Variants in HAUS3 observed in about 807,000 individuals in gnomAD.
The protein encoded by HAUS3 is HAUS augmin like complex subunit 3.
In HAUS3, 36 loss-of-function variants were observed where a neutral mutation model predicts 55.2. The observed-to-expected ratio is 0.65, with a 90% CI of 0.50 to 0.86. The LOEUF is 0.86. Ranked by LOEUF, HAUS3 falls within the 40% of genes least tolerant of loss-of-function variation. HAUS3 has a pLI of 0.00. For missense variants in HAUS3, 752 were observed against 671.5 expected (o/e 1.12, Z -1.33); for synonymous variants, 234 against 238.6 (o/e 0.98, Z 0.18).
intron 5 of HAUS3, among the ~76,000 whole-genome samples, chr4:2,232,985 C>G (rs143001020): frequency 0.01 from 1,573 of 152,254 alleles, 32 homozygotes; most frequent in African/African-American, 0.034. Flanking sequence ...TGTACCCCCC[C>G]ACTAGACTAA....
chr4:2,236,245 G>C lies in HAUS3; in HGVS notation c.1561C>G (p.Leu521Val). Residue 521 changes from leucine (L) to valine (V), a missense_variant, in exon 5 of 6, where the codon CTT (leucine) becomes GTT (valine). Leu to Val is a conservative substitution (Grantham distance 32). Coordinates refer to ENST00000443786, the MANE Select transcript of HAUS3 (RefSeq NM_001303143.2). ...CDTLYQGGNQ[L>V]LLSDQELTEQ... ...ATACCCACCTGATCACTAAGCAAAA[G>C]CTGATTTCCTCCTTGATACAAAGTA... 4.3e-6 allele frequency: 7 copies of C among 1,609,592 alleles called. No homozygotes were observed. The highest frequency in any genetic ancestry group is 5.9e-6 in the Non-Finnish European group (7 of 1,176,836).
rs1204987690 is a variant in HAUS3, at chr4:2,229,191, T to C, written c.*2736A>G. 6.2e-7 allele frequency: 1 copy of C among 1,610,340 alleles called. No homozygotes were observed. The highest frequency in any genetic ancestry group is 1.3e-5 in the African/African-American group (1 of 74,930). On this transcript the variant is annotated 3_prime_UTR_variant, in exon 6 of 6. Coordinates refer to ENST00000443786, the MANE Select transcript of HAUS3 (RefSeq NM_001303143.2). ...CTGAGCAACACTGGAGAGCGGTGTATTACAGAGATCAAAGCCTACCAATGC... is the reference window on the plus strand; with the variant it reads ...CTGAGCAACACTGGAGAGCGGTGTACTACAGAGATCAAAGCCTACCAATGC...
intron 3 of HAUS3, 115 bp from the exon 4 acceptor site, chr4:2,239,158 C>G (rs574246017): frequency 1.3e-4 from 70 of 539,004 alleles, no homozygotes; most frequent in African/African-American, 1.2e-3. Context: ...TGAATGAAAA[C>G]TAATTTAATA....
At chr4:2,236,546 G>A (rs1307838884) in intron 4 of HAUS3, 90 bp from the exon 5 acceptor site, 2 of 831,974 alleles carry the variant, frequency 2.4e-6, no homozygotes, top group Admixed American at 2.2e-5. Flanking sequence ...GCATTTGTGG[G>A]GATAGCTAAG....
chr4:2,234,084 C>T (rs1356756977), intron 5 of HAUS3, among the ~76,000 whole-genome samples: 1 of 152,038 alleles, frequency 6.6e-6, no homozygotes, highest in African/African-American at 2.4e-5. Context: ...TCAAAATACC[C>T]AGTAACAATA....
At chr4:2,235,405 G>A (rs538559128) in intron 5 of HAUS3, among the ~76,000 whole-genome samples, 1 of 152,310 alleles carries the variant, frequency 6.6e-6, no homozygotes, top group East Asian at 1.9e-4. Flanking sequence ...TGGAGAAACT[G>A]GAATTGTGCA....
rs755823385 is a variant in HAUS3 at position 2,236,227 on chromosome 4, C to A, written c.1578+1G>T. 2 of 1,585,356 alleles carry A rather than the reference C, an allele frequency of 1.3e-6. No individual in the cohort carries two copies. The highest frequency in any genetic ancestry group is 1.7e-5 in the Admixed American group (1 of 59,934). The stretch of plus-strand genomic sequence containing the variant: ...TTTTAACTACTATGGCAAATACCCA[C>A]CTGATCACTAAGCAAAAGCTGATTT... On this transcript the variant is annotated splice_donor_variant, in intron 5 of 5. Coordinates refer to ENST00000443786, the MANE Select transcript of HAUS3 (RefSeq NM_001303143.2). LOFTEE classifies it high-confidence loss of function.
chr4:2,240,876 C>G lies in HAUS3; in HGVS notation c.71G>C (p.Gly24Ala). The G allele has an allele frequency of 6.2e-7, 1 of 1,610,260 alleles. No individual in the cohort carries two copies. The highest frequency in any genetic ancestry group is 8.5e-7 in the Non-Finnish European group (1 of 1,179,536). The change falls in exon 3 of 6, where the codon GGA becomes GCA. Residue 24 changes from glycine (G) to alanine (A), a missense_variant. By Grantham distance (60) the Gly-to-Ala change is moderately conservative. Transcript: ENST00000443786. ...CTCAAACAACCAGTCAAAGTCTTCT[C>G]CATTAAGATTATCAGCTTTGGGATA... Reference protein sequence around the residue: ...IGYPKADNLNGEDFDWLFEGV... With the variant: ...IGYPKADNLNAEDFDWLFEGV...
rs542364038 is a variant in HAUS3 at position 2,231,113 on chromosome 4, A to C, written c.*814T>G. On this transcript the variant is annotated 3_prime_UTR_variant, in exon 6 of 6. Coordinates refer to ENST00000443786, the MANE Select transcript of HAUS3 (RefSeq NM_001303143.2). The stretch of plus-strand genomic sequence containing the variant: ...ACTCTAAAATGAATGCAGGCAGGCC[A>C]AGGAAGTCCTAATACTCTGTGGTAC... 2.6e-5 allele frequency: 4 copies of C among 152,262 alleles called. No individual in the cohort carries two copies. Among genetic ancestry groups the C allele is most frequent in the Non-Finnish European group, 5.9e-5 (4 of 68,054 alleles). The allele number at this position is 152,262 out of a possible 1,614,324, so 9.4% of individuals were successfully genotyped here.
intron 5 of HAUS3, among the ~76,000 whole-genome samples, chr4:2,234,989 G>A (rs1396908754): frequency 2.6e-5 from 4 of 152,278 alleles, no homozygotes; most frequent in East Asian, 3.9e-4. Flanking sequence ...GGGTTCAAGG[G>A]ATTCTCCTGT....
intron 5 of HAUS3, among the ~76,000 whole-genome samples, chr4:2,232,582 G>A (rs1734620967): frequency 6.6e-6 from 1 of 152,184 alleles, no homozygotes. Flanking sequence ...AAGGTACAGA[G>A]AAAGTTGAAA....
At chr4:2,238,180 A>C (rs1734834720) in intron 4 of HAUS3, among the ~76,000 whole-genome samples, 2 of 152,096 alleles carry the variant, frequency 1.3e-5, no homozygotes, top group Admixed American at 6.5e-5. Context: ...TTCATTCTCA[A>C]TGATTCTCCT....
Position 2,240,330 on chromosome 4 carries a change from T to A in HAUS3, c.617A>T (p.Gln206Leu), listed in dbSNP as rs1267858162. The change falls in exon 3 of 6, where the codon CAG becomes CTG. Residue 206 changes from glutamine to leucine, a missense_variant. Transcript: ENST00000443786. ...SQFSLEKYLS[Q>L]EEQSTAALTL... Reference sequence around the variant, plus strand: ...TAATGCTGCTGTGCTTTGCTCTTCCTGACTTAGGTATTTTTCCAAGGAAAA... The same window carrying A: ...TAATGCTGCTGTGCTTTGCTCTTCCAGACTTAGGTATTTTTCCAAGGAAAA... 1 of 1,603,642 alleles carries A rather than the reference T, an allele frequency of 6.2e-7. No individual in the cohort carries two copies. Among genetic ancestry groups the A allele is most frequent in the African/African-American group, 1.3e-5 (1 of 74,696 alleles).
At chr4:2,239,402 C>T (rs959155770) in intron 3 of HAUS3, among the ~76,000 whole-genome samples, 2 of 152,082 alleles carry the variant, frequency 1.3e-5, no homozygotes, top group Non-Finnish European at 2.9e-5. Flanking sequence ...TCCTAGTTGG[C>T]CAGTTGATTT....
rs752857799 is a variant in HAUS3 at position 2,240,958 on chromosome 4, C to G, written c.-12G>C. ...TTTCCACAACTCATGGTTTTAACTA[C>G]CCCAATTTTGTTGTATCTGATATGG... On this transcript the variant is annotated 5_prime_UTR_variant, in exon 3 of 6. Transcript: ENST00000443786. 6.3e-7 allele frequency: 1 copy of G among 1,575,234 alleles called. No homozygotes were observed.
Position 2,229,179 on chromosome 4 carries a change from G to T in HAUS3, c.*2748C>A. Reference sequence around the variant, plus strand: ...AGACATAATCTTCTGAGCAACACTGGAGAGCGGTGTATTACAGAGATCAAA... The same window carrying T: ...AGACATAATCTTCTGAGCAACACTGTAGAGCGGTGTATTACAGAGATCAAA... On this transcript the variant is annotated 3_prime_UTR_variant, in exon 6 of 6. Transcript: ENST00000443786. 1 of 1,610,986 alleles carries T rather than the reference G, an allele frequency of 6.2e-7. No homozygotes were observed. Among genetic ancestry groups the T allele is most frequent in the African/African-American group, 1.3e-5 (1 of 74,944 alleles).
In HAUS3 at chr4:2,240,618, A is replaced by G; in HGVS notation, c.329T>C (p.Leu110Pro). 1 of 1,613,230 alleles carries G rather than the reference A, an allele frequency of 6.2e-7. No individual in the cohort carries two copies. The part of the protein sequence containing the change: ...EKLEDEVQTL[L>P]KLKNLKIQRR... ...CTGAATTTTTAGGTTCTTTAATTTC[A>G]GTAGAGTTTGAACCTCATCCTCTAA... The change falls in exon 3 of 6, where the codon CTG becomes CCG. Residue 110 changes from leucine (L) to proline (P), a missense_variant. Transcript: ENST00000443786.
In HAUS3 at chr4:2,229,018, A is replaced by G; in HGVS notation, c.*2909T>C. ...AGCTGGGCTTCATCTGTCTACATGC[A>G]TTCCATTTTCAATTCTTAGTCTTTA... On this transcript the variant is annotated 3_prime_UTR_variant, in exon 6 of 6. Coordinates refer to ENST00000443786, the MANE Select transcript of HAUS3 (RefSeq NM_001303143.2). The G allele has an allele frequency of 1.4e-6, 2 of 1,390,522 alleles. No individual in the cohort carries two copies. The highest frequency in any genetic ancestry group is 1.4e-5 in the South Asian group (1 of 73,806). 86.1% of individuals were successfully genotyped at this position (1,390,522 alleles called of 1,614,324 possible).
rs1734967618 is a variant in HAUS3 at position 2,241,015 on chromosome 4, C to G, written c.-69G>C. On this transcript the variant is annotated 5_prime_UTR_variant, in exon 3 of 6. Transcript: ENST00000443786. ...GGTGTTGATTTTTAGAAAATAAATC[C>G]AAGCAGAAAAAAAGCTACGTTTTAT... 2 of 1,234,138 alleles carry G rather than the reference C, an allele frequency of 1.6e-6. No individual in the cohort carries two copies. Among genetic ancestry groups the G allele is most frequent in the African/African-American group, 3.1e-5 (2 of 65,226 alleles). 76.4% of individuals were successfully genotyped at this position (1,234,138 alleles called of 1,614,324 possible).
Sources: allele counts gnomAD v4.1 joint callset (sites outside exome capture counted in the v4.1 genomes callset), GRCh38; gene constraint gnomAD v4.1.1; transcripts MANE v1.5; gene names NCBI Gene and HGNC (gene_info 2026-07-23, HGNC 2026-07-21).